EYA4: variants seen among roughly 807,000 people sequenced by gnomAD.
The protein encoded by EYA4 is protein phosphatase EYA4.
In EYA4, 31 loss-of-function variants were observed where a neutral mutation model predicts 87.9. The observed-to-expected ratio is 0.35, with a 90% CI of 0.27 to 0.48. The LOEUF is 0.48. Among genes scored for constraint, EYA4 ranks in the 20% least tolerant of loss-of-function variants. The probability of loss-of-function intolerance (pLI) is 0.99; values close to 1 mark genes in which losing one functional copy is unlikely to be tolerated. For synonymous variants in EYA4, 263 were observed against 270.6 expected, an observed-to-expected ratio of 0.97 and a Z score of 0.28; for missense variants, 678 against 761.4, an observed-to-expected ratio of 0.89 and a Z score of 1.29.
In EYA4 at chr6:133,414,783, A is replaced by G. The variant is rs189894831; in HGVS notation, c.84-31847A>G. On this transcript the variant is annotated intron_variant, in intron 3 of 19. Coordinates refer to ENST00000355286, the MANE Select transcript of EYA4 (RefSeq NM_004100.5). The stretch of plus-strand genomic sequence containing the variant: ...ATCTGTATTTTATTTAGTTCTTTTT[A>G]GTTTTTTTCAGGTGGAAAGATAAGT... Among the ~76,000 whole-genome samples the G allele has an allele frequency of 1.6e-3, 239 of 152,176 alleles. 2 individuals are homozygous for G. Among genetic ancestry groups the G allele is most frequent in the African/African-American group, 5.2e-3 (215 of 41,524 alleles).
At chr6:133,267,616 C>T (rs1417156057) in intron 1 of EYA4, among the ~76,000 whole-genome samples, 1 of 152,156 alleles carries the variant, frequency 6.6e-6, no homozygotes, top group Non-Finnish European at 1.5e-5. Flanking sequence ...CTCCTGACCT[C>T]AGGTGATCCG....
chr6:133,430,682 A>T (rs1035501610), intron 3 of EYA4, among the ~76,000 whole-genome samples: 1 of 152,222 alleles, frequency 6.6e-6, no homozygotes, highest in East Asian at 1.9e-4. Context: ...TGAGTAGTGC[A>T]GCAAAACCTG....
intron 2 of EYA4, among the ~76,000 whole-genome samples, chr6:133,320,163 T>C (rs915313099): frequency 1.8e-4 from 27 of 152,134 alleles, no homozygotes; most frequent in African/African-American, 6.0e-4. Context: ...CTCCTTTTTT[T>C]CCCAACTTCT....
chr6:133,385,666 A>G, intron 3 of EYA4, among the ~76,000 whole-genome samples: 1 of 152,128 alleles, frequency 6.6e-6, no homozygotes, highest in East Asian at 1.9e-4. Flanking sequence ...TGGATTTGAA[A>G]TGATTAGAAT....
chr6:133,444,378 C>T (rs1050042360), intron 3 of EYA4, among the ~76,000 whole-genome samples: 2 of 152,086 alleles, frequency 1.3e-5, no homozygotes, highest in East Asian at 3.8e-4. Context: ...CGTGGTATAT[C>T]ATTTTCCATT....
chr6:133,495,317 T>C (rs969566865), intron 13 of EYA4, among the ~76,000 whole-genome samples: 5 of 150,728 alleles, frequency 3.3e-5, no homozygotes, highest in African/African-American at 1.2e-4. Context: ...ATACACCTAC[T>C]ATGTACCCAC....
rs71003634 is a variant in EYA4, at chr6:133,332,711, ATTTTTTTT to A, written c.34-49663_34-49656del. Reference sequence around the variant, plus strand: ...GGCATGTGCCACCACGCCCAGCTAAATTTTTTTTTTTTTTTTTTTTTTTTTGTATTTTA... The same window carrying A: ...GGCATGTGCCACCACGCCCAGCTAAATTTTTTTTTTTTTTTTTGTATTTTA... On this transcript the variant is annotated intron_variant, in intron 2 of 19. Coordinates refer to ENST00000355286, the MANE Select transcript of EYA4 (RefSeq NM_004100.5). 7.0e-3 allele frequency among the ~76,000 whole-genome samples: 870 copies of A among 124,894 alleles called. 5 individuals are homozygous for A. Among genetic ancestry groups the A allele is most frequent in the Middle Eastern group, 8.8e-3 (2 of 228 alleles). 81.9% of individuals were successfully genotyped at this position (124,894 alleles called of 152,430 possible).
intron 2 of EYA4, among the ~76,000 whole-genome samples, chr6:133,311,305 A>AAATTT (rs1780195271): frequency 1.3e-5 from 2 of 151,944 alleles, no homozygotes; most frequent in South Asian, 4.2e-4. Context: ...GTAATTTTTA[A>AAATTT]AATTTAATTT....
In EYA4 at chr6:133,505,567, A is replaced by G. The variant is rs1798525377; in HGVS notation, c.1192-539A>G. Among the ~76,000 whole-genome samples the G allele has an allele frequency of 2.0e-5, 3 of 152,190 alleles. No individual in the cohort carries two copies. The South Asian group carries it at 6.2e-4, about 32-fold the overall frequency. On this transcript the variant is annotated intron_variant, in intron 13 of 19. Coordinates refer to ENST00000355286, the MANE Select transcript of EYA4 (RefSeq NM_004100.5). ...CTCTTACCTTGTTGATAAAAATGCAATTAAAAATTAAGTGATGGTCGCACC... is the reference window on the plus strand; with the variant it reads ...CTCTTACCTTGTTGATAAAAATGCAGTTAAAAATTAAGTGATGGTCGCACC...
chr6:133,358,950 G>A (rs1029979941), intron 2 of EYA4, among the ~76,000 whole-genome samples: 7 of 152,168 alleles, frequency 4.6e-5, no homozygotes, highest in Admixed American at 2.0e-4. Context: ...TCTGAAGGAT[G>A]AGAGCCAGCC....
intron 7 of EYA4, 47 bp downstream of exon 7, chr6:133,461,227 CT>C: frequency 1.6e-6 from 2 of 1,251,368 alleles, no homozygotes; most frequent in Non-Finnish European, 2.4e-6. Flanking sequence ...ACATTTATGT[CT>C]ATACATGTTT....
intron 1 of EYA4, among the ~76,000 whole-genome samples, chr6:133,266,185 T>A (rs1776209327): frequency 6.6e-6 from 1 of 152,182 alleles, no homozygotes; most frequent in Non-Finnish European, 1.5e-5. Context: ...TTTTACTGGA[T>A]TAGGATGGGT....
chr6:133,259,878 AT>A (rs1775653289), intron 1 of EYA4, among the ~76,000 whole-genome samples: 2 of 152,042 alleles, frequency 1.3e-5, no homozygotes, highest in Admixed American at 6.5e-5. Context: ...TGATTTTGTT[AT>A]TGTTTTTGTT....
Position 133,256,187 on chromosome 6 carries a change from G to A in EYA4, c.-66+14438G>A, listed in dbSNP as rs192539740. Among the ~76,000 whole-genome samples, 7 of 150,704 alleles carry A rather than the reference G, an allele frequency of 4.6e-5. No homozygotes were observed. The East Asian group carries it at 7.8e-4, about 17-fold the overall frequency. On this transcript the variant is annotated intron_variant, in intron 1 of 19. Coordinates refer to ENST00000355286, the MANE Select transcript of EYA4 (RefSeq NM_004100.5). ...GATTAGGATAAATAATTCTATTAAC[G>A]ATATATATTTAATATATACATATAA...
At chr6:133,428,911 CTTTTTT>C (rs58727159) in intron 3 of EYA4, among the ~76,000 whole-genome samples, 43 of 48,216 alleles carry the variant, frequency 8.9e-4, no homozygotes, top group East Asian at 2.7e-3. Context: ...GATTTAGCTT[CTTTTTT>C]TTTTTTTTTT....
At chr6:133,432,982 G>C (rs1791324155) in intron 3 of EYA4, among the ~76,000 whole-genome samples, 1 of 152,046 alleles carries the variant, frequency 6.6e-6, no homozygotes, top group Admixed American at 6.5e-5. Context: ...TTTTCTAGGT[G>C]GTGGATCACA....
chr6:133,457,837 T>G (rs1453908940), intron 6 of EYA4, among the ~76,000 whole-genome samples: 1 of 152,138 alleles, frequency 6.6e-6, no homozygotes, highest in Admixed American at 6.6e-5. Flanking sequence ...AGGAATGGAG[T>G]TATTAACTTA....
At chr6:133,386,261 A>G (rs185667920) in intron 3 of EYA4, among the ~76,000 whole-genome samples, 209 of 152,188 alleles carry the variant, frequency 1.4e-3, no homozygotes, top group Non-Finnish European at 2.6e-3. Flanking sequence ...ATTTGTGTCA[A>G]TTTGGGTCCC....
At chr6:133,455,507 G>A (rs947924524) in intron 5 of EYA4, among the ~76,000 whole-genome samples, 7 of 152,070 alleles carry the variant, frequency 4.6e-5, no homozygotes, top group Admixed American at 1.3e-4. Context: ...ATTACCGCAT[G>A]GTTTTCTATC....
Sources: gnomAD v4.1 joint callset for allele counts (sites outside exome capture counted in the v4.1 genomes callset) on GRCh38, gnomAD v4.1.1 for gene constraint, MANE v1.5 for transcripts, NCBI Gene and HGNC (gene_info 2026-07-23, HGNC 2026-07-21) for gene names.